GULP1: variants seen among roughly 807,000 people sequenced by gnomAD.
The protein encoded by GULP1 is PTB domain-containing engulfment adapter protein 1.
A neutral mutation model predicts 40.9 loss-of-function variants in GULP1; 19 were observed. The ratio of observed to expected loss-of-function variants is 0.46; its 90% CI spans 0.32 to 0.68. The LOEUF is 0.68. Ranked by LOEUF, GULP1 falls within the 30% of genes least tolerant of loss-of-function variation. The pLI is 0.03. For synonymous variants in GULP1, 119 were observed against 117.6 expected, an observed-to-expected ratio of 1.01 and a Z score of -0.08; for missense variants, 312 against 362.2, an observed-to-expected ratio of 0.86 and a Z score of 1.12.
intron 11 of GULP1, chr2:188,590,720 G>A (rs572633713): frequency 6.6e-6 from 1 of 152,176 alleles, no homozygotes; most frequent in South Asian, 2.1e-4. Flanking sequence ...GTCACCAACA[G>A]GAAAATAAGT....
intron 6 of GULP1, among the ~76,000 whole-genome samples, chr2:188,530,526 G>A (rs1687260527): frequency 6.6e-6 from 1 of 152,096 alleles, no homozygotes; most frequent in Non-Finnish European, 1.5e-5. Flanking sequence ...TAGGTTAAAT[G>A]AGATTTTAAG....
chr2:188,390,096 G>A lies in GULP1; in HGVS notation c.-45+6207G>A, dbSNP rs999738229. On this transcript the variant is annotated intron_variant, in intron 2 of 11. Coordinates refer to ENST00000409830, the MANE Select transcript of GULP1 (RefSeq NM_016315.4). ...TGCTGCAAAAAACATACGCATGCAG[G>A]TGTCTTTTTGTTATGACTTCTTCTA... Among the ~76,000 whole-genome samples the A allele has an allele frequency of 4.6e-5, 7 of 152,146 alleles. No homozygotes were observed. In the East Asian group the frequency reaches 5.8e-4, roughly 13 times the overall value.
intron 4 of GULP1, among the ~76,000 whole-genome samples, chr2:188,505,054 TA>T (rs915629837): frequency 9.9e-5 from 15 of 151,788 alleles, no homozygotes; most frequent in African/African-American, 3.6e-4. Flanking sequence ...GAAAATTTTT[TA>T]ATCAGTGAAA....
At chr2:188,446,798 T>C (rs1006627018) in intron 2 of GULP1, among the ~76,000 whole-genome samples, 2 of 152,252 alleles carry the variant, frequency 1.3e-5, no homozygotes, top group Non-Finnish European at 2.9e-5. Context: ...TGTAGTGGTA[T>C]TTCTTGCTAG....
intron 2 of GULP1, among the ~76,000 whole-genome samples, chr2:188,422,233 AT>A (rs1340463923): frequency 6.6e-6 from 1 of 151,600 alleles, no homozygotes; most frequent in Non-Finnish European, 1.5e-5. Flanking sequence ...CCTGAGATTC[AT>A]AATTTTTTAA....
intron 9 of GULP1, among the ~76,000 whole-genome samples, chr2:188,579,045 T>A (rs1431703678): frequency 6.6e-6 from 1 of 152,164 alleles, no homozygotes; most frequent in African/African-American, 2.4e-5. Flanking sequence ...TAGTACAGAA[T>A]CAAGCACCAA....
At chr2:188,527,066 C>T (rs1262092753) in intron 5 of GULP1, among the ~76,000 whole-genome samples, 1 of 152,210 alleles carries the variant, frequency 6.6e-6, no homozygotes, top group Non-Finnish European at 1.5e-5. Context: ...TTCCTTTCTT[C>T]CTCCCCACTC....
At chr2:188,514,040 AGTGT>A (rs1164481151) in intron 4 of GULP1, among the ~76,000 whole-genome samples, 188 of 123,076 alleles carry the variant, frequency 1.5e-3, no homozygotes, top group African/African-American at 3.8e-3. Context: ...TCCCCTTCTG[AGTGT>A]GTGTGTGTGT....
At chr2:188,481,783 T>C (rs1043956043) in intron 3 of GULP1, among the ~76,000 whole-genome samples, 1 of 151,954 alleles carries the variant, frequency 6.6e-6, no homozygotes, top group Non-Finnish European at 1.5e-5. Context: ...GTGAAGGAGT[T>C]AAAAGGAGAA....
chr2:188,546,580 T>C (rs11685643), intron 7 of GULP1, among the ~76,000 whole-genome samples: 1 of 152,092 alleles, frequency 6.6e-6, no homozygotes, highest in Admixed American at 6.6e-5. Context: ...AAGAAAGAAA[T>C]CTGTAACTAA....
chr2:188,370,758 T>A (rs1047029636), intron 1 of GULP1, among the ~76,000 whole-genome samples: 1 of 152,232 alleles, frequency 6.6e-6, no homozygotes, highest in Admixed American at 6.5e-5. Context: ...AAATTACACA[T>A]GTAACATTGG....
At chr2:188,369,350 G>C (rs551734915) in intron 1 of GULP1, among the ~76,000 whole-genome samples, 1 of 151,698 alleles carries the variant, frequency 6.6e-6, no homozygotes, top group Non-Finnish European at 1.5e-5. Context: ...ATGTTAAGGA[G>C]ACCAGACAGA....
chr2:188,565,461 G>T (rs1050051358), intron 7 of GULP1, among the ~76,000 whole-genome samples: 3 of 151,856 alleles, frequency 2.0e-5, no homozygotes, highest in African/African-American at 7.2e-5. Context: ...TTATTCAACA[G>T]GGAAATATAA....
At chr2:188,463,747 C>T (rs1221141941) in intron 2 of GULP1, among the ~76,000 whole-genome samples, 1 of 151,984 alleles carries the variant, frequency 6.6e-6, no homozygotes, top group South Asian at 2.1e-4. Flanking sequence ...TGTCTTCAAG[C>T]CCACTAATTC....
Position 188,592,791 on chromosome 2 carries a change from A to T in GULP1, c.844-1149A>T, listed in dbSNP as rs146903927. 5.3e-5 allele frequency: 8 copies of T among 152,240 alleles called. No homozygotes were observed. The East Asian group carries it at 1.5e-3, about 29-fold the overall frequency. 9.4% of individuals were successfully genotyped at this position (152,240 alleles called of 1,614,324 possible). A position where few individuals can be genotyped will look rare whatever the true frequency, so the allele number is the denominator to read the frequency against. The stretch of plus-strand genomic sequence containing the variant: ...TTCTAAATAAAAGTAATTTGGAGAG[A>T]TGCAAAAAGATACCCAATTAGCTAA... On this transcript the variant is annotated intron_variant, in intron 11 of 11. Coordinates refer to ENST00000409830, the MANE Select transcript of GULP1 (RefSeq NM_016315.4).
At chr2:188,570,788 G>T (rs148258757) in intron 9 of GULP1, among the ~76,000 whole-genome samples, 2,017 of 152,134 alleles carry the variant, frequency 0.013, 19 homozygotes, top group Admixed American at 0.033. Context: ...TTCAGGAAAA[G>T]ATATTTTTCT....
rs750175211 is a variant in GULP1, at chr2:188,569,360, GTAAAC to G, written c.516+9_516+13del. ...ATCGCAGGGTTACAAAAAAGAGTGA[GTAAAC>G]TAAGCTTGTTGTTTTACATTTGTGT... On this transcript the variant is annotated splice_donor_region_variant and intron_variant, in intron 8 of 11. Coordinates refer to ENST00000409830, the MANE Select transcript of GULP1 (RefSeq NM_016315.4). 4 of 1,296,682 alleles carry G rather than the reference GTAAAC, an allele frequency of 3.1e-6. No homozygotes were observed. The South Asian group carries it at 3.5e-5, about 11-fold the overall frequency. 80.3% of individuals were successfully genotyped at this position (1,296,682 alleles called of 1,614,324 possible).
chr2:188,420,427 ATGT>A (rs2055236965), intron 2 of GULP1, among the ~76,000 whole-genome samples: 1 of 152,032 alleles, frequency 6.6e-6, no homozygotes, highest in Admixed American at 6.6e-5. Flanking sequence ...TATTTTGGAA[ATGT>A]TGTGGCCTTT....
At chr2:188,353,269 G>A (rs1167564250) in intron 1 of GULP1, among the ~76,000 whole-genome samples, 2 of 152,178 alleles carry the variant, frequency 1.3e-5, no homozygotes, top group African/African-American at 4.8e-5. Flanking sequence ...CTACATGCCA[G>A]GCACTGTTCT....
Sources: allele counts gnomAD v4.1 joint callset (sites outside exome capture counted in the v4.1 genomes callset), GRCh38; gene constraint gnomAD v4.1.1; transcripts MANE v1.5; gene names NCBI Gene and HGNC (gene_info 2026-07-23, HGNC 2026-07-21).